CSMD1: variants seen among roughly 807,000 people sequenced by gnomAD.
CSMD1 encodes CUB and sushi domain-containing protein 1.
CSMD1 carries 213 observed loss-of-function variants against 417.5 expected under a neutral mutation model. The observed-to-expected ratio is 0.51, with a 90% CI of 0.46 to 0.57. CSMD1 has a LOEUF of 0.57. CSMD1 is among the 20% of genes least tolerant of loss of function. The pLI, the probability that CSMD1 is intolerant of heterozygous loss-of-function variation, is 0.00. For synonymous variants in CSMD1, 2,862 were observed against 1,736.8 expected, an observed-to-expected ratio of 1.65 and a Z score of -16.11; for missense variants, 6,923 against 4,529.7, an observed-to-expected ratio of 1.53 and a Z score of -15.17.
At chr8:4,588,056 G>C (rs1015173986) in intron 2 of CSMD1, among the ~76,000 whole-genome samples, 5 of 152,078 alleles carry the variant, frequency 3.3e-5, no homozygotes, top group Non-Finnish European at 7.4e-5. Flanking sequence ...AAGGAGCAAG[G>C]TAAAGCAAAA....
intron 18 of CSMD1, among the ~76,000 whole-genome samples, chr8:3,380,676 G>T (rs1247934387): frequency 1.3e-5 from 2 of 152,138 alleles, no homozygotes. Flanking sequence ...ACTCATAAGA[G>T]GGAGCTGAAC....
rs374413357 is a variant in CSMD1 at position 3,891,173 on chromosome 8, G to A, written c.818+106730C>T. 4.3e-4 allele frequency among the ~76,000 whole-genome samples: 66 copies of A among 152,032 alleles called. No homozygotes were observed. In the East Asian group the frequency reaches 0.011, roughly 25 times the overall value. ...AAGTGATCCTCCCTCAGCCTCCCAA[G>A]AAGCTGGGACCACAGGCATGTGCCA... On this transcript the variant is annotated intron_variant, in intron 5 of 69. Transcript: ENST00000635120.
chr8:4,721,027 T>C (rs1809021333), intron 1 of CSMD1, among the ~76,000 whole-genome samples: 1 of 152,204 alleles, frequency 6.6e-6, no homozygotes, highest in Admixed American at 6.5e-5. Context: ...TTATTGTGTT[T>C]ATAGCATTAT....
At chr8:3,155,144 T>C (rs531013390) in intron 39 of CSMD1, among the ~76,000 whole-genome samples, 4 of 152,148 alleles carry the variant, frequency 2.6e-5, no homozygotes, top group African/African-American at 4.8e-5. Flanking sequence ...TCCCATTATG[T>C]AATACAAAGT....
chr8:3,625,598 A>T (rs1238082754), intron 7 of CSMD1, among the ~76,000 whole-genome samples: 1 of 152,154 alleles, frequency 6.6e-6, no homozygotes. Context: ...ATTTATTTTT[A>T]AAAAATACAT....
chr8:4,234,186 G>C (rs546359097), intron 3 of CSMD1, among the ~76,000 whole-genome samples: 2 of 152,164 alleles, frequency 1.3e-5, no homozygotes, highest in Non-Finnish European at 1.5e-5. Flanking sequence ...TCTTGACTTA[G>C]ACCAAGAAAG....
intron 2 of CSMD1, among the ~76,000 whole-genome samples, chr8:4,508,531 G>A (rs1802651741): frequency 6.6e-6 from 1 of 152,054 alleles, no homozygotes; most frequent in Non-Finnish European, 1.5e-5. Context: ...TTATAAATTT[G>A]CAAGATGAAG....
chr8:4,229,145 T>C (rs144609342), intron 3 of CSMD1, among the ~76,000 whole-genome samples: 26 of 152,310 alleles, frequency 1.7e-4, no homozygotes, highest in African/African-American at 5.3e-4. Context: ...ATAACTCCCT[T>C]TTTCTATTTG....
At chr8:3,762,859 G>A (rs911185487) in intron 5 of CSMD1, among the ~76,000 whole-genome samples, 4 of 152,200 alleles carry the variant, frequency 2.6e-5, no homozygotes, top group Non-Finnish European at 5.9e-5. Flanking sequence ...CCGAGACACG[G>A]TGGACAGTGT....
At chr8:4,976,993 A>C (rs1177577999) in intron 1 of CSMD1, among the ~76,000 whole-genome samples, 1 of 152,188 alleles carries the variant, frequency 6.6e-6, no homozygotes, top group Admixed American at 6.5e-5. Flanking sequence ...GCAATTTGTC[A>C]GATGTCTCCC....
chr8:3,632,817 G>A (rs569278998), intron 7 of CSMD1, among the ~76,000 whole-genome samples: 4 of 152,170 alleles, frequency 2.6e-5, no homozygotes, highest in African/African-American at 9.7e-5. Flanking sequence ...AAAGACATCT[G>A]TGTCTATTGG....
intron 1 of CSMD1, among the ~76,000 whole-genome samples, chr8:4,791,874 T>G (rs1026521972): frequency 6.6e-6 from 1 of 152,210 alleles, no homozygotes; most frequent in Non-Finnish European, 1.5e-5. Flanking sequence ...TTTTTTTAGC[T>G]TGCATTCAGC....
At chr8:3,190,552 A>T (rs1375769167) in intron 33 of CSMD1, among the ~76,000 whole-genome samples, 1 of 152,184 alleles carries the variant, frequency 6.6e-6, no homozygotes, top group Non-Finnish European at 1.5e-5. Flanking sequence ...AAAAGCTACC[A>T]TATGAAGGAT....
In CSMD1 at chr8:2,974,517, T is replaced by A; in HGVS notation, c.8674A>T (p.Ile2892Leu). 3.1e-6 allele frequency: 5 copies of A among 1,613,682 alleles called. No individual in the cohort carries two copies. Among genetic ancestry groups the A allele is most frequent in the Non-Finnish European group, 4.2e-6 (5 of 1,179,738 alleles). Residue 2892 changes from isoleucine to leucine, a missense_variant, in exon 56 of 70, where the codon ATA becomes TTA. Physicochemically the swap from Ile to Leu is conservative, Grantham distance 5. Transcript: ENST00000635120. ...HYSCRGSESL[I>L]GNDTRVCQED... ...TGGCACACTCTCGTGTCGTTGCCTA[T>A]GAGGCTCTCGCTCCCTCTGCAGGAG...
chr8:3,495,874 T>C (rs1428231806), intron 10 of CSMD1, among the ~76,000 whole-genome samples: 2 of 152,198 alleles, frequency 1.3e-5, no homozygotes, highest in Non-Finnish European at 2.9e-5. Context: ...TGGAGCTGGA[T>C]GCTCCATATT....
At chr8:4,721,363 T>A (rs181665816) in intron 1 of CSMD1, among the ~76,000 whole-genome samples, 36 of 152,276 alleles carry the variant, frequency 2.4e-4, no homozygotes, top group Admixed American at 4.6e-4. Context: ...TGCCTAGTGA[T>A]AGACAAGTAT....
At chr8:3,484,366 G>C (rs1817908329) in intron 11 of CSMD1, among the ~76,000 whole-genome samples, 1 of 152,206 alleles carries the variant, frequency 6.6e-6, no homozygotes, top group African/African-American at 2.4e-5. Context: ...CTACTGAACA[G>C]TTGGATACAC....
intron 1 of CSMD1, among the ~76,000 whole-genome samples, chr8:4,775,430 T>A (rs969805256): frequency 7.3e-5 from 11 of 151,374 alleles, no homozygotes; most frequent in African/African-American, 2.4e-5. Flanking sequence ...AAACAGAATC[T>A]AAATAAAGTC....
chr8:4,755,719 C>T (rs950906523), intron 1 of CSMD1, among the ~76,000 whole-genome samples: 8 of 152,152 alleles, frequency 5.3e-5, no homozygotes, highest in African/African-American at 1.4e-4. Context: ...AATCTTGCTT[C>T]CGTTTTCTGT....
Sources: allele counts gnomAD v4.1 joint callset (sites outside exome capture counted in the v4.1 genomes callset), GRCh38; gene constraint gnomAD v4.1.1; transcripts MANE v1.5; gene names NCBI Gene and HGNC (gene_info 2026-07-23, HGNC 2026-07-21).